ELMO1: variants seen among roughly 807,000 people sequenced by gnomAD.
ELMO1 encodes the protein engulfment and cell motility 1.
In ELMO1, 26 loss-of-function variants were observed where a neutral mutation model predicts 98.9. That is an observed-to-expected ratio of 0.26 (90% confidence interval 0.19 to 0.36). ELMO1 has a LOEUF of 0.36. Among genes scored for constraint, ELMO1 ranks in the 10% least tolerant of loss-of-function variants. ELMO1 has a pLI of 1.00. For missense variants in ELMO1, 627 were observed against 935.2 expected (o/e 0.67, Z 4.30); for synonymous variants, 346 against 346.0 (o/e 1.00, Z 0.00).
At chr7:37,244,299 T>C (rs2130706782) in intron 7 of ELMO1, 57 bp downstream of exon 7, 12 of 1,572,652 alleles carry the variant, frequency 7.6e-6, no homozygotes, top group Non-Finnish European at 1.0e-5. Context: ...AGGGCTCAAT[T>C]ATGCAGGAAA....
intron 16 of ELMO1, among the ~76,000 whole-genome samples, chr7:36,999,875 T>C (rs1584496047): frequency 6.6e-6 from 1 of 152,214 alleles, no homozygotes; most frequent in African/African-American, 2.4e-5. Flanking sequence ...CAGGTCTCCA[T>C]TATCAGCCTA....
rs1332303091 is a variant in ELMO1 at position 36,855,523 on chromosome 7, G to C, written c.*28C>G. ...CCTGTTAGCTAGGTGTTCCAGTTTT[G>C]GAAGGGGCATGTCTGGGCCCGGCCA... is the stretch of plus-strand genomic sequence containing the variant. On this transcript the variant is annotated 3_prime_UTR_variant, in exon 22 of 22. Transcript: ENST00000310758. This position sits in a 1 kb window ranked among gnomAD's most constrained non-coding sequence, Gnocchi z 4.2. The C allele has an allele frequency of 6.2e-7, 1 of 1,612,652 alleles. No homozygotes were observed. The highest frequency in any genetic ancestry group is 1.1e-5 in the South Asian group (1 of 91,030).
intron 1 of ELMO1, among the ~76,000 whole-genome samples, chr7:37,361,520 C>T (rs964104700): frequency 1.3e-5 from 2 of 152,176 alleles, no homozygotes; most frequent in African/African-American, 2.4e-5. Context: ...AAGACCATCC[C>T]GCCTGTAAGC....
chr7:37,013,163 T>A, intron 16 of ELMO1, 136 bp downstream of exon 16: 5 of 1,153,364 alleles, frequency 4.3e-6, no homozygotes, highest in Non-Finnish European at 6.1e-6. Flanking sequence ...CTTTCTCCAT[T>A]CTTGAAGCAA....
intron 15 of ELMO1, among the ~76,000 whole-genome samples, chr7:37,015,336 C>T (rs951384114): frequency 6.6e-6 from 1 of 152,172 alleles, no homozygotes; most frequent in African/African-American, 2.4e-5. Context: ...CAGTGGCTCA[C>T]ACTTGTAATC....
chr7:37,050,449 A>G (rs1161441306), intron 15 of ELMO1, among the ~76,000 whole-genome samples: 1 of 152,196 alleles, frequency 6.6e-6, no homozygotes, highest in Non-Finnish European at 1.5e-5. Flanking sequence ...AAGAAAACCA[A>G]GAATTAGCCA....
intron 13 of ELMO1, among the ~76,000 whole-genome samples, chr7:37,202,048 T>G (rs867378047): frequency 4.3e-4 from 66 of 152,344 alleles, no homozygotes; most frequent in Middle Eastern, 6.8e-3. Flanking sequence ...TCTGGTGGAC[T>G]GGCTAGGACT....
intron 1 of ELMO1, among the ~76,000 whole-genome samples, chr7:37,425,606 T>G (rs1308318514): frequency 1.3e-5 from 2 of 152,356 alleles, no homozygotes; most frequent in Non-Finnish European, 2.9e-5. Flanking sequence ...ACATAAGCTC[T>G]GCCAACAGCT....
chr7:36,868,590 C>T (rs1803240351), intron 20 of ELMO1, among the ~76,000 whole-genome samples: 2 of 152,190 alleles, frequency 1.3e-5, no homozygotes, highest in South Asian at 2.1e-4. Context: ...CCTTGTGATC[C>T]GCCCGCCTTG....
At chr7:37,237,060 C>G (rs1459287538) in intron 7 of ELMO1, among the ~76,000 whole-genome samples, 1 of 152,136 alleles carries the variant, frequency 6.6e-6, no homozygotes, top group Non-Finnish European at 1.5e-5. Flanking sequence ...CAAATTAAGC[C>G]AACTGCAAAC....
intron 19 of ELMO1, among the ~76,000 whole-genome samples, chr7:36,874,502 G>C (rs1803783856): frequency 6.6e-6 from 1 of 152,218 alleles, no homozygotes; most frequent in African/African-American, 2.4e-5. Context: ...AATGCCATTT[G>C]CAATTATTCC....
intron 7 of ELMO1, among the ~76,000 whole-genome samples, chr7:37,234,064 T>C (rs1435156719): frequency 2.0e-5 from 3 of 152,194 alleles, no homozygotes; most frequent in African/African-American, 7.2e-5. Context: ...ACAGAATCTT[T>C]CATAGATATT....
At chr7:37,075,995 C>T (rs1010656778) in intron 15 of ELMO1, among the ~76,000 whole-genome samples, 3 of 152,200 alleles carry the variant, frequency 2.0e-5, no homozygotes, top group African/African-American at 7.2e-5. Context: ...TTTTTAAACT[C>T]TTTCAGCTGT....
intron 1 of ELMO1, among the ~76,000 whole-genome samples, chr7:37,447,688 CACAT>C (rs199654807): frequency 1.3e-3 from 191 of 149,942 alleles, no homozygotes; most frequent in African/African-American, 4.6e-3. Context: ...ACACCACACA[CACAT>C]ACATACGCGC....
chr7:36,950,163 A>G (rs563549859), intron 16 of ELMO1, among the ~76,000 whole-genome samples: 1 of 152,216 alleles, frequency 6.6e-6, no homozygotes, highest in African/African-American at 2.4e-5. Flanking sequence ...TGCAAGACCC[A>G]CCATCAACAA....
intron 2 of ELMO1, among the ~76,000 whole-genome samples, chr7:37,327,112 T>C (rs887269271): frequency 2.0e-5 from 3 of 152,206 alleles, no homozygotes; most frequent in African/African-American, 7.2e-5. Flanking sequence ...ACTTCCTTGA[T>C]ATCAGTCTTT....
intron 13 of ELMO1, among the ~76,000 whole-genome samples, chr7:37,169,001 A>G (rs1374000873): frequency 6.6e-6 from 1 of 152,104 alleles, no homozygotes; most frequent in Non-Finnish European, 1.5e-5. Context: ...AACCAGTTCG[A>G]GCTTCCCGGC....
At chr7:36,943,986 A>G (rs1787267611) in intron 16 of ELMO1, among the ~76,000 whole-genome samples, 1 of 152,202 alleles carries the variant, frequency 6.6e-6, no homozygotes, top group Non-Finnish European at 1.5e-5. Flanking sequence ...AATGATCAAG[A>G]AAAGAACAGG....
At chr7:37,178,892 G>A (rs895564585) in intron 13 of ELMO1, among the ~76,000 whole-genome samples, 15 of 152,184 alleles carry the variant, frequency 9.9e-5, no homozygotes, top group Admixed American at 2.6e-4. Context: ...AGAAGCTGTC[G>A]CAGGTTGAAT....
Sources: gnomAD v4.1 joint callset for allele counts (sites outside exome capture counted in the v4.1 genomes callset) on GRCh38, gnomAD v4.1.1 for gene constraint, Gnocchi (gnomAD v3.1) non-coding constraint, MANE v1.5 for transcripts, NCBI Gene and HGNC (gene_info 2026-07-23, HGNC 2026-07-21) for gene names.